Variants in ATAD2B observed in about 807,000 individuals in gnomAD.
ATAD2B encodes ATPase family AAA domain containing 2B.
In ATAD2B, 40 loss-of-function variants were observed where a neutral mutation model predicts 167.6. The ratio of observed to expected loss-of-function variants is 0.24; its 90% confidence interval spans 0.19 to 0.31. The LOEUF is 0.31. Ranked by LOEUF, ATAD2B falls within the 10% of genes least tolerant of loss-of-function variation. The pLI, the probability that ATAD2B is intolerant of heterozygous loss-of-function variation, is 1.00. For missense variants in ATAD2B, 1,242 were observed against 1,757.2 expected (o/e 0.71, Z 5.24); for synonymous variants, 579 against 596.5 (o/e 0.97, Z 0.43).
chr2:23,823,649 T>G, intron 15 of ATAD2B, 80 bp from the exon 16 acceptor site: 2 of 1,271,066 alleles, frequency 1.6e-6, no homozygotes, highest in African/African-American at 2.9e-5. Flanking sequence ...TATACACATC[T>G]TTAGCTAAAG....
At chr2:23,745,323 G>A (rs145916024), downstream of ATAD2B, among the ~76,000 whole-genome samples, 99 of 146,188 alleles carry the variant, frequency 6.8e-4, no homozygotes, top group African/African-American at 2.3e-3. Flanking sequence ...GAAAGCAAGC[G>A]AGAAAGAGAG....
At chr2:23,754,943 G>T in intron 25 of ATAD2B, 169 bp from the exon 26 acceptor site, 2 of 571,490 alleles carry the variant, frequency 3.5e-6, no homozygotes, top group South Asian at 3.2e-5. Context: ...TTTTTTATTG[G>T]TAAGACTAAG....
intron 1 of ATAD2B, among the ~76,000 whole-genome samples, chr2:23,917,406 T>C (rs894851836): frequency 6.6e-6 from 1 of 152,238 alleles, no homozygotes; most frequent in African/African-American, 2.4e-5. Context: ...TGCTATATAA[T>C]GTCTTTTCAA....
At chr2:23,905,122 T>C (rs1343878314) in intron 1 of ATAD2B, among the ~76,000 whole-genome samples, 7 of 152,178 alleles carry the variant, frequency 4.6e-5, no homozygotes. Context: ...TATAATAATT[T>C]AAAATGCATT....
At chr2:23,778,475 TA>T (rs1486042386) in intron 22 of ATAD2B, among the ~76,000 whole-genome samples, 1 of 152,178 alleles carries the variant, frequency 6.6e-6, no homozygotes, top group African/African-American at 2.4e-5. Context: ...CCAGGGAATG[TA>T]ATAAGCACAA....
downstream of ATAD2B, among the ~76,000 whole-genome samples, chr2:23,747,785 GTA>G (rs1674978421): frequency 6.6e-6 from 1 of 152,070 alleles, no homozygotes; most frequent in Non-Finnish European, 1.5e-5. Context: ...AAGAGGGAAT[GTA>G]TATATTTTTA....
chr2:23,926,821 G>A lies in ATAD2B; in HGVS notation c.-51C>T, dbSNP rs1346102143. On this transcript the variant is annotated 5_prime_UTR_variant, in exon 1 of 28. Transcript: ENST00000238789. Reference sequence around the variant, plus strand: ...CGCCGCGCCCGGGAGAGCCGAGCAAGGCCGGCCCGCCGGCCGGTCAGTCAG... The same window carrying A: ...CGCCGCGCCCGGGAGAGCCGAGCAAAGCCGGCCCGCCGGCCGGTCAGTCAG... 2.7e-6 allele frequency: 4 copies of A among 1,456,772 alleles called. No homozygotes were observed. The highest frequency in any genetic ancestry group is 2.9e-5 in the South Asian group (2 of 69,752). The allele number at this position is 1,456,772 out of a possible 1,614,324, so 90.2% of individuals were successfully genotyped here.
At chr2:23,704,990 T>C in the ATAD2B span, among the ~76,000 whole-genome samples, 2 of 152,354 alleles carry the variant, frequency 1.3e-5, no homozygotes, top group East Asian at 3.9e-4. Context: ...TCTGAGGAAG[T>C]TCTATCTGTG....
intron 5 of ATAD2B, among the ~76,000 whole-genome samples, chr2:23,885,448 A>G (rs1698527748): frequency 6.6e-6 from 1 of 152,240 alleles, no homozygotes; most frequent in Non-Finnish European, 1.5e-5. Flanking sequence ...TGCACAACAA[A>G]AAACCATTAA....
intron 19 of ATAD2B, among the ~76,000 whole-genome samples, chr2:23,789,858 A>C (rs966944834): frequency 9.2e-5 from 14 of 152,312 alleles, no homozygotes; most frequent in Admixed American, 6.5e-4. Context: ...AATTGGCTTA[A>C]GGTAATAAAG....
At chr2:23,765,670 A>G in intron 22 of ATAD2B, 42 bp from the exon 23 acceptor site, 1 of 1,194,542 alleles carries the variant, frequency 8.4e-7, no homozygotes, top group Non-Finnish European at 1.1e-6. Context: ...GAAACAAATA[A>G]AATAACATTA....
At chr2:23,883,558 T>C in intron 6 of ATAD2B, 1 of 1,216,686 alleles carries the variant, frequency 8.2e-7, no homozygotes, top group Non-Finnish European at 1.1e-6. Flanking sequence ...GTTCAGTTAA[T>C]GAAAAGGCAA....
intron 22 of ATAD2B, among the ~76,000 whole-genome samples, chr2:23,773,631 T>G (rs12614616): frequency 0.12 from 18,289 of 152,250 alleles, 1,167 homozygotes; most frequent in Middle Eastern, 0.22. Flanking sequence ...TTTAAAATTG[T>G]GTGGGAATAG....
At chr2:23,776,644 T>G (rs1376716550) in intron 22 of ATAD2B, among the ~76,000 whole-genome samples, 1 of 152,210 alleles carries the variant, frequency 6.6e-6, no homozygotes, top group Non-Finnish European at 1.5e-5. Flanking sequence ...TTCCCAATCT[T>G]GCTAATCTCC....
intron 1 of ATAD2B, among the ~76,000 whole-genome samples, chr2:23,903,119 C>T (rs1701028775): frequency 6.6e-6 from 1 of 151,808 alleles, no homozygotes. Context: ...GCCTGCAGTC[C>T]CAGCTACTTG....
intron 18 of ATAD2B, among the ~76,000 whole-genome samples, chr2:23,803,350 T>C (rs1201214002): frequency 6.7e-6 from 1 of 149,708 alleles, no homozygotes; most frequent in African/African-American, 2.4e-5. Flanking sequence ...GCGCACGCAT[T>C]TGTTTCAGTA....
chr2:23,724,618 T>G, the ATAD2B span, among the ~76,000 whole-genome samples: 1 of 152,044 alleles, frequency 6.6e-6, no homozygotes, highest in Non-Finnish European at 1.5e-5. Context: ...CTTCCCAAAC[T>G]TGGTAGAATA....
chr2:23,797,108 C>G (rs1262243523), intron 19 of ATAD2B, among the ~76,000 whole-genome samples: 1 of 152,026 alleles, frequency 6.6e-6, no homozygotes, highest in African/African-American at 2.4e-5. Context: ...CTAATGAAAG[C>G]TGAAACACAA....
chr2:23,758,747 CAA>C (rs1356118441), intron 24 of ATAD2B, among the ~76,000 whole-genome samples: 3 of 152,244 alleles, frequency 2.0e-5, no homozygotes, highest in Admixed American at 6.5e-5. Flanking sequence ...CAATTTCTTG[CAA>C]AGTTATTTGA....
Sources: gnomAD v4.1 joint callset for allele counts (sites outside exome capture counted in the v4.1 genomes callset) on GRCh38, gnomAD v4.1.1 for gene constraint, MANE v1.5 for transcripts, NCBI Gene and HGNC (gene_info 2026-07-23, HGNC 2026-07-21) for gene names.